OPCML: variants seen among roughly 807,000 people sequenced by gnomAD.
OPCML encodes opioid binding protein/cell adhesion molecule like, also known as opioid-binding protein/cell adhesion molecule.
Under a neutral mutation model 37.8 loss-of-function variants are expected in OPCML, and 13 were observed. The ratio of observed to expected loss-of-function variants is 0.34; its 90% CI spans 0.22 to 0.55. OPCML has a LOEUF of 0.55. Among genes scored for constraint, OPCML ranks in the 20% least tolerant of loss-of-function variants. The pLI is 0.91. For synonymous variants in OPCML, 176 were observed against 168.8 expected (o/e 1.04, Z -0.33); for missense variants, 341 against 435.6 (o/e 0.78, Z 1.93).
intron 1 of OPCML, among the ~76,000 whole-genome samples, chr11:133,468,315 T>C (rs765049432): frequency 6.6e-5 from 10 of 152,132 alleles, no homozygotes; most frequent in African/African-American, 2.2e-4. Context: ...TCTTTTCCTA[T>C]AGGTGAAGAA....
In OPCML at chr11:133,174,382, C is replaced by T. The variant is rs979418098; in HGVS notation, c.62-231372G>A. On this transcript the variant is annotated intron_variant, in intron 1 of 7. Transcript: ENST00000524381. This position sits in a 1 kb window ranked among gnomAD's most constrained non-coding sequence, Gnocchi z 4.6. ...TTTCTCAAAAGCCCCATTCCCTGTG[C>T]CTGGTAGTGAAATAAGGCAGCTAAA... Among the ~76,000 whole-genome samples, 3 of 152,038 alleles carry T rather than the reference C, an allele frequency of 2.0e-5. No individual in the cohort carries two copies. The highest frequency in any genetic ancestry group is 4.4e-5 in the Non-Finnish European group (3 of 68,016).
Position 133,220,121 on chromosome 11 carries a change from G to A in OPCML, c.62-277111C>T, listed in dbSNP as rs566184405. On this transcript the variant is annotated intron_variant, in intron 1 of 7. Transcript: ENST00000524381. Reference sequence around the variant, plus strand: ...CTTCAACACCCTTCCCATTCAGCTGGGAAGTTGGACACTGGCAGTGGAGGT... The same window carrying A: ...CTTCAACACCCTTCCCATTCAGCTGAGAAGTTGGACACTGGCAGTGGAGGT... Among the ~76,000 whole-genome samples, 3 of 152,224 alleles carry A rather than the reference G, an allele frequency of 2.0e-5. No individual in the cohort carries two copies. The East Asian group carries it at 5.8e-4, about 29-fold the overall frequency.
At chr11:132,855,068 C>T (rs1452088624) in intron 2 of OPCML, among the ~76,000 whole-genome samples, 2 of 152,200 alleles carry the variant, frequency 1.3e-5, no homozygotes, top group African/African-American at 4.8e-5. Context: ...TGGGAGGGGC[C>T]TGAATTCTGC....
intron 1 of OPCML, among the ~76,000 whole-genome samples, chr11:133,388,529 G>A (rs1021260802): frequency 6.6e-6 from 1 of 152,192 alleles, no homozygotes; most frequent in Non-Finnish European, 1.5e-5. Context: ...AAGGGTATGG[G>A]TGTCATAACC....
intron 1 of OPCML, among the ~76,000 whole-genome samples, chr11:132,960,967 G>A (rs1177994321): frequency 6.6e-6 from 1 of 152,142 alleles, no homozygotes; most frequent in Non-Finnish European, 1.5e-5. Flanking sequence ...CAGGTGCGGC[G>A]ATGAACAACA....
At chr11:132,579,383 A>ATGTGTG (rs1491229570) in intron 3 of OPCML, among the ~76,000 whole-genome samples, 1 of 101,202 alleles carries the variant, frequency 9.9e-6, no homozygotes, top group African/African-American at 4.9e-5. Flanking sequence ...GTTAGAATGA[A>ATGTGTG]TATGTGTGTG....
At chr11:132,940,239 C>T (rs1945532277) in intron 2 of OPCML, among the ~76,000 whole-genome samples, 1 of 152,182 alleles carries the variant, frequency 6.6e-6, no homozygotes, top group South Asian at 2.1e-4. Context: ...AAGGCAGGCC[C>T]AGGTTTCGTG....
chr11:132,852,752 C>T (rs943303175), intron 2 of OPCML, among the ~76,000 whole-genome samples: 1 of 152,036 alleles, frequency 6.6e-6, no homozygotes, highest in Non-Finnish European at 1.5e-5. Flanking sequence ...TTAAAATATT[C>T]CATACAACCA....
At chr11:133,261,295 A>G (rs1174493451) in intron 1 of OPCML, among the ~76,000 whole-genome samples, 1 of 152,196 alleles carries the variant, frequency 6.6e-6, no homozygotes, top group African/African-American at 2.4e-5. Flanking sequence ...TTTCTGAGCT[A>G]TGATCTGATT....
chr11:132,509,694 G>T (rs2096264719), intron 4 of OPCML, among the ~76,000 whole-genome samples: 1 of 152,232 alleles, frequency 6.6e-6, no homozygotes, highest in African/African-American at 2.4e-5. Context: ...CAGGTGCACA[G>T]AAGTCAAGAA....
intron 4 of OPCML, among the ~76,000 whole-genome samples, chr11:132,522,300 G>T (rs972396430): frequency 2.6e-5 from 4 of 152,140 alleles, no homozygotes; most frequent in African/African-American, 9.7e-5. Flanking sequence ...TCAGGCCAAA[G>T]AAATGAATCA....
At position 133,261,009 on chromosome 11, in the gene OPCML, C is replaced by T. The variant is rs532936960; in HGVS notation, c.61+271255G>A. On this transcript the variant is annotated intron_variant, in intron 1 of 7. Transcript: ENST00000524381. Reference sequence around the variant, plus strand: ...GTGCAGCTCCAGGTGACCTGGCTACCAGCTCCATTTGGTTTATAAGGTCAG... The same window carrying T: ...GTGCAGCTCCAGGTGACCTGGCTACTAGCTCCATTTGGTTTATAAGGTCAG... Among the ~76,000 whole-genome samples, 55 of 152,262 alleles carry T rather than the reference C, an allele frequency of 3.6e-4. 1 individual carries two copies. Among genetic ancestry groups the T allele is most frequent in the African/African-American group, 1.3e-3 (54 of 41,558 alleles).
chr11:132,811,489 T>C (rs1939338072), intron 2 of OPCML, among the ~76,000 whole-genome samples: 1 of 152,202 alleles, frequency 6.6e-6, no homozygotes. Flanking sequence ...AAGAGCCTGA[T>C]TAGGCCCCGG....
At chr11:132,900,102 T>C (rs572564548) in intron 2 of OPCML, among the ~76,000 whole-genome samples, 1 of 152,268 alleles carries the variant, frequency 6.6e-6, no homozygotes, top group South Asian at 2.1e-4. Context: ...CCCTGAGTAA[T>C]ACAGACCTGT....
chr11:133,251,363 G>A (rs1941127510), intron 1 of OPCML, among the ~76,000 whole-genome samples: 1 of 152,062 alleles, frequency 6.6e-6, no homozygotes, highest in Admixed American at 6.5e-5. Context: ...AAATGATGTT[G>A]AAATGGAGCC....
intron 1 of OPCML, among the ~76,000 whole-genome samples, chr11:133,058,876 A>G (rs1277501915): frequency 6.6e-6 from 1 of 152,246 alleles, no homozygotes; most frequent in Non-Finnish European, 1.5e-5. Flanking sequence ...AGAAAAATGA[A>G]GCCTGAAGTG....
chr11:132,597,241 T>C (rs918785907), intron 3 of OPCML, among the ~76,000 whole-genome samples: 3 of 152,238 alleles, frequency 2.0e-5, no homozygotes, highest in Non-Finnish European at 4.4e-5. Context: ...ACTTTATTAC[T>C]ACTCCATTTC....
At chr11:132,804,818 A>G (rs1181058059) in intron 2 of OPCML, among the ~76,000 whole-genome samples, 1 of 152,218 alleles carries the variant, frequency 6.6e-6, no homozygotes, top group Non-Finnish European at 1.5e-5. Context: ...GTAAGGTAAC[A>G]GAATCTAGAG....
At chr11:132,996,303 G>A (rs2136831975) in intron 1 of OPCML, among the ~76,000 whole-genome samples, 1 of 152,182 alleles carries the variant, frequency 6.6e-6, no homozygotes, top group East Asian at 1.9e-4. Context: ...AAATGTATGG[G>A]TGCAAAGAGG....
Sources: gnomAD v4.1 joint callset for allele counts (sites outside exome capture counted in the v4.1 genomes callset) on GRCh38, gnomAD v4.1.1 for gene constraint, Gnocchi (gnomAD v3.1) non-coding constraint, MANE v1.5 for transcripts, NCBI Gene and HGNC (gene_info 2026-07-23, HGNC 2026-07-21) for gene names.